MYO7A: variants seen among roughly 807,000 people sequenced by gnomAD.
The protein encoded by MYO7A is myosin VIIA, also known as unconventional myosin-VIIa.
MYO7A carries 210 observed loss-of-function variants against 263.8 expected under a neutral mutation model. The ratio of observed to expected loss-of-function variants is 0.80; its 90% CI spans 0.71 to 0.89. The LOEUF is 0.89. Among genes scored for constraint, MYO7A ranks in the 40% least tolerant of loss-of-function variants. The pLI is 0.00. For missense variants in MYO7A, 2,820 were observed against 2,968.3 expected (o/e 0.95, Z 1.16); for synonymous variants, 1,239 against 1,197.3 (o/e 1.03, Z -0.72).
At chr11:77,175,721 G>A (rs1187326723) in intron 18 of MYO7A, among the ~76,000 whole-genome samples, 19 of 152,260 alleles carry the variant, frequency 1.2e-4, no homozygotes, top group African/African-American at 4.6e-4. Context: ...GGGCGGGCTG[G>A]CTGTTAGGCC....
chr11:77,148,590 A>C (rs928189406), intron 4 of MYO7A, among the ~76,000 whole-genome samples: 10 of 152,164 alleles, frequency 6.6e-5, no homozygotes. Context: ...TTTACTCTAG[A>C]GGTTCTCACA....
chr11:77,199,746 G>C lies in MYO7A; in HGVS notation c.4780G>C (p.Val1594Leu), dbSNP rs1480069626. ...CAATGCTGAGGACATTCGTGACCTG[G>C]TGGTCACCTTCCTAGAGGGGCTCCG... Reference protein sequence around the residue: ...SSNAEDIRDLVVTFLEGLRKR... With the variant: ...SSNAEDIRDLLVTFLEGLRKR... Residue 1594 changes from valine (V) to leucine (L), a missense_variant, in exon 35 of 49, where the codon GTG (valine) becomes CTG (leucine). Transcript: ENST00000409709. 1 of 1,613,196 alleles carries C rather than the reference G, an allele frequency of 6.2e-7. No homozygotes were observed.
chr11:77,180,852 C>T (rs1217241528), intron 22 of MYO7A, among the ~76,000 whole-genome samples: 1 of 152,234 alleles, frequency 6.6e-6, no homozygotes, highest in Non-Finnish European at 1.5e-5. Context: ...GTCCGAATGA[C>T]ACAGTGCTTT....
At chr11:77,152,746 G>A (rs1591249671) in intron 4 of MYO7A, among the ~76,000 whole-genome samples, 2 of 152,216 alleles carry the variant, frequency 1.3e-5, no homozygotes, top group Middle Eastern at 6.8e-3. Context: ...GACTGTAGAG[G>A]AGTCAGCTGG....
intron 35 of MYO7A, among the ~76,000 whole-genome samples, chr11:77,201,071 G>T (rs926871879): frequency 6.6e-6 from 1 of 152,380 alleles, no homozygotes; most frequent in African/African-American, 2.4e-5. Flanking sequence ...CAGAGCACAG[G>T]GGGCAGAGAG....
Position 77,162,308 on chromosome 11 carries a change from A to T in MYO7A, c.1532A>T (p.Asp511Val). The T allele has an allele frequency of 6.4e-7, 1 of 1,551,812 alleles. No homozygotes were observed. Among genetic ancestry groups the T allele is most frequent in the Non-Finnish European group, 8.7e-7 (1 of 1,147,100 alleles). The change falls in exon 13 of 49, where the codon GAT becomes GTT. Residue 511 changes from aspartate to valine, a missense_variant. Asp to Val is a radical substitution (Grantham distance 152). Transcript: ENST00000409709. ...NKPMNIISLI[D>V]EESKFPKGTD... ...CCCATGAACATCATCTCCCTCATCG[A>T]TGAGGAGAGCAAGTTCCCCAAGGTG...
chr11:77,210,255 C>T (rs1957771196), intron 44 of MYO7A, among the ~76,000 whole-genome samples: 1 of 152,176 alleles, frequency 6.6e-6, no homozygotes, highest in African/African-American at 2.4e-5. Flanking sequence ...GGGCCTGGCT[C>T]ATAGATGTTC....
At chr11:77,148,013 C>G in intron 4 of MYO7A, 63 bp downstream of exon 4, 5 of 1,400,026 alleles carry the variant, frequency 3.6e-6, no homozygotes, top group Non-Finnish European at 4.7e-6. Context: ...CCCACCTCGC[C>G]CCACCCCGCC....
intron 46 of MYO7A, chr11:77,212,597 A>G (rs191520706): frequency 1.6e-5 from 6 of 386,724 alleles, no homozygotes; most frequent in Non-Finnish European, 2.0e-5. Flanking sequence ...GAGGATACGT[A>G]TGGTCTTATC....
chr11:77,138,890 G>A lies in MYO7A; in HGVS notation c.19-3819G>A, dbSNP rs1951035882. Among the ~76,000 whole-genome samples, 1 of 152,244 alleles carries A rather than the reference G, an allele frequency of 6.6e-6. No individual in the cohort carries two copies. Among genetic ancestry groups the A allele is most frequent in the African/African-American group, 2.4e-5 (1 of 41,464 alleles). On this transcript the variant is annotated intron_variant, in intron 2 of 48. Transcript: ENST00000409709. The surrounding 1 kb of genome is among the most constrained non-coding windows in gnomAD (Gnocchi z 4.9). The stretch of plus-strand genomic sequence containing the variant: ...GGTGATAAAACCGGTGTCCCAGAGT[G>A]ATCATGAAGATAACGAGCGGCAAAA...
chr11:77,130,545 G>T, intron 1 of MYO7A, 44 bp from the exon 2 acceptor site: 2 of 1,518,838 alleles, frequency 1.3e-6, no homozygotes. Context: ...AAGGCTTCCA[G>T]GGCTGGCCTG....
At chr11:77,156,819 G>GGCGGGA (rs782047435) in intron 6 of MYO7A, 38 bp downstream of exon 6, 2 of 1,613,946 alleles carry the variant, frequency 1.2e-6, no homozygotes, top group Non-Finnish European at 1.7e-6. Flanking sequence ...CAGGCAGTGG[G>GGCGGGA]GCGGGAGCGG....
Position 77,175,425 on chromosome 11 carries a change from C to T in MYO7A, c.2148C>T (p.His716=), listed in dbSNP as rs781922218. The change falls in exon 18 of 49, where the codon CAC becomes CAT. Residue 716 remains histidine (H), a synonymous_variant. Coordinates refer to ENST00000409709, the MANE Select transcript of MYO7A (RefSeq NM_000260.4). ...QRMAEAVLGT[H]DDWQIGKTKI... is the part of the protein sequence containing the mutation. ...TGGCTGAGGCTGTGCTGGGCACCCA[C>T]GATGACTGGCAGATAGGCAAAACCA... 1.9e-6 allele frequency: 3 copies of T among 1,613,340 alleles called. No individual in the cohort carries two copies. The highest frequency in any genetic ancestry group is 1.7e-6 in the Non-Finnish European group (2 of 1,179,876).
At chr11:77,175,243 A>C in intron 17 of MYO7A, 129 bp from the exon 18 acceptor site, 1 of 831,940 alleles carries the variant, frequency 1.2e-6, no homozygotes, top group Middle Eastern at 3.1e-4. Flanking sequence ...GGCAGGACCC[A>C]GCTGAGGTCA....
chr11:77,198,562 G>A lies in MYO7A; in HGVS notation c.4509G>A (p.Glu1503=), dbSNP rs2135669992. ...VNWTGVYFVD[E]QEQVLLELSF... ...GGACGGGTGTGTACTTTGTGGATGAGCAGGAGCAGGTACTTCTGGAGCTGT... is the reference window on the plus strand; with the variant it reads ...GGACGGGTGTGTACTTTGTGGATGAACAGGAGCAGGTACTTCTGGAGCTGT... Residue 1503 remains glutamate (E), a synonymous_variant, in exon 34 of 49, where the codon GAG becomes GAA. Coordinates refer to ENST00000409709, the MANE Select transcript of MYO7A (RefSeq NM_000260.4). 8 of 1,613,962 alleles carry A rather than the reference G, an allele frequency of 5.0e-6. No individual in the cohort carries two copies. The highest frequency in any genetic ancestry group is 6.8e-6 in the Non-Finnish European group (8 of 1,179,898).
At chr11:77,172,687 C>A in intron 15 of MYO7A, 61 bp from the exon 16 acceptor site, 1 of 1,542,846 alleles carries the variant, frequency 6.5e-7, no homozygotes, top group Non-Finnish European at 8.7e-7. Context: ...TACTGGGCGG[C>A]TCCTGGGACA....
At chr11:77,152,781 A>T (rs527463881) in intron 4 of MYO7A, among the ~76,000 whole-genome samples, 1 of 152,184 alleles carries the variant, frequency 6.6e-6, no homozygotes, top group East Asian at 1.9e-4. Context: ...ACCTGTGGGT[A>T]TGATGATTGT....
chr11:77,162,474 G>T, intron 13 of MYO7A, 144 bp downstream of exon 13: 2 of 816,406 alleles, frequency 2.4e-6, no homozygotes, highest in Non-Finnish European at 3.9e-6. Flanking sequence ...TCAAGTATAG[G>T]CATCTGCCAT....
chr11:77,179,164 G>A lies in MYO7A; in HGVS notation c.2367+35G>A, dbSNP rs146574093. On this transcript the variant is annotated intron_variant, in intron 20 of 48. Transcript: ENST00000409709. ...CCCATGGGCTGCTCTTGCCCAAACA[G>A]GCCTTTGAACCCAGCCTTGCTGCCA... is the stretch of plus-strand genomic sequence containing the variant. 7.5e-5 allele frequency: 116 copies of A among 1,555,652 alleles called. No homozygotes were observed. In the African/African-American group the frequency reaches 1.5e-3, roughly 20 times the overall value.
Sources: gnomAD v4.1 joint callset for allele counts (sites outside exome capture counted in the v4.1 genomes callset) on GRCh38, gnomAD v4.1.1 for gene constraint, Gnocchi (gnomAD v3.1) non-coding constraint, MANE v1.5 for transcripts, NCBI Gene and HGNC (gene_info 2026-07-23, HGNC 2026-07-21) for gene names.